CMIP: variants seen among roughly 807,000 people sequenced by gnomAD.
The protein encoded by CMIP is C-Maf-inducing protein.
In CMIP, 13 loss-of-function variants were observed where a neutral mutation model predicts 97.3. The ratio of observed to expected loss-of-function variants is 0.13; its 90% confidence interval spans 0.09 to 0.21. CMIP has a LOEUF of 0.21. Among genes scored for constraint, CMIP ranks in the 10% least tolerant of loss-of-function variants. The pLI is 1.00. For synonymous variants in CMIP, 538 were observed against 436.3 expected (o/e 1.23, Z -2.91); for missense variants, 847 against 1,024.9 (o/e 0.83, Z 2.37).
In CMIP at chr16:81,664,352, G is replaced by A; in HGVS notation, c.825+3G>A. On this transcript the variant is annotated splice_donor_region_variant and intron_variant, in intron 7 of 20. Transcript: ENST00000537098. ...AGCGAATCCTCAAGCATAACATGGT[G>A]AGTCACCCTGCCCCAACACCCAGAC... is the stretch of plus-strand genomic sequence containing the variant. The A allele has an allele frequency of 6.3e-7, 1 of 1,586,910 alleles. No homozygotes were observed.
intron 14 of CMIP, 113 bp from the exon 15 acceptor site, chr16:81,699,572 G>T (rs1907154260): frequency 3.0e-6 from 2 of 664,072 alleles, no homozygotes; most frequent in African/African-American, 3.6e-5. Context: ...CTGGCTGTCT[G>T]GACAGCGTGT....
chr16:81,588,415 T>C (rs2091416421), intron 1 of CMIP, among the ~76,000 whole-genome samples: 1 of 152,210 alleles, frequency 6.6e-6, no homozygotes, highest in East Asian at 1.9e-4. Flanking sequence ...TCTTTAAATC[T>C]GGAGCCACGC....
chr16:81,559,133 G>A (rs1232297580), intron 1 of CMIP, among the ~76,000 whole-genome samples: 4 of 151,200 alleles, frequency 2.6e-5, no homozygotes, highest in Admixed American at 6.6e-5. Flanking sequence ...CACAGGCCGG[G>A]CATGCTGGGC....
At chr16:81,511,785 C>T (rs2089815206) in intron 1 of CMIP, among the ~76,000 whole-genome samples, 1 of 152,134 alleles carries the variant, frequency 6.6e-6, no homozygotes, top group Non-Finnish European at 1.5e-5. Flanking sequence ...TGGTCTCGAA[C>T]TCCTGGGCTC....
intron 1 of CMIP, among the ~76,000 whole-genome samples, chr16:81,557,448 C>A (rs898304753): frequency 6.6e-6 from 1 of 151,968 alleles, no homozygotes. Context: ...AATTGACAAA[C>A]AATAGTTGTA....
intron 15 of CMIP, among the ~76,000 whole-genome samples, chr16:81,701,118 C>CAAA (rs552497595): frequency 7.1e-6 from 1 of 141,274 alleles, no homozygotes; most frequent in Non-Finnish European, 1.5e-5. Context: ...GACCTCATCT[C>CAAA]AAAAAAAAAA....
At position 81,453,586 on chromosome 16, in the gene CMIP, C is replaced by A. The variant is rs1906367251; in HGVS notation, c.300+8045C>A. On this transcript the variant is annotated intron_variant, in intron 1 of 20. Coordinates refer to ENST00000537098, the MANE Select transcript of CMIP (RefSeq NM_198390.3). The surrounding 1 kb of genome is among the most constrained non-coding windows in gnomAD (Gnocchi z 4.0). The stretch of plus-strand genomic sequence containing the variant: ...GTGTGGACTAGGTGACCCTGTTTAC[C>A]AACACACACACCGGTGCGAGGCTCT... Among the ~76,000 whole-genome samples, 1 of 152,164 alleles carries A rather than the reference C, an allele frequency of 6.6e-6. No homozygotes were observed. Among genetic ancestry groups the A allele is most frequent in the South Asian group, 2.1e-4 (1 of 4,828 alleles).
intron 1 of CMIP, among the ~76,000 whole-genome samples, chr16:81,560,654 T>C (rs1448174148): frequency 6.6e-6 from 1 of 152,230 alleles, no homozygotes; most frequent in Non-Finnish European, 1.5e-5. Flanking sequence ...CAGCTTCCAG[T>C]CCTGTAAGCT....
chr16:81,476,041 G>A, intron 1 of CMIP: 1 of 705,232 alleles, frequency 1.4e-6, no homozygotes, highest in Non-Finnish European at 2.6e-6. Flanking sequence ...GTTGTCCACA[G>A]TTAGCAATAG....
chr16:81,592,278 C>G (rs755247011), intron 1 of CMIP, among the ~76,000 whole-genome samples: 1 of 152,218 alleles, frequency 6.6e-6, no homozygotes, highest in African/African-American at 2.4e-5. Context: ...TGGTCTGTGT[C>G]CTGTCTCAGG....
chr16:81,649,596 T>G (rs1432071677), intron 3 of CMIP, among the ~76,000 whole-genome samples: 1 of 152,272 alleles, frequency 6.6e-6, no homozygotes, highest in Non-Finnish European at 1.5e-5. Context: ...TGAGGCCTTT[T>G]AAAACTTATC....
intron 5 of CMIP, among the ~76,000 whole-genome samples, chr16:81,659,909 A>G (rs139481200): frequency 1.3e-3 from 194 of 152,328 alleles, no homozygotes; most frequent in African/African-American, 4.6e-3. Context: ...TGTCATTATT[A>G]TGATGCCTTC....
chr16:81,667,932 CG>C (rs2092628088), intron 7 of CMIP, among the ~76,000 whole-genome samples: 1 of 151,730 alleles, frequency 6.6e-6, no homozygotes, highest in Admixed American at 6.6e-5. Flanking sequence ...AGCAGGCAGA[CG>C]AGTGAAAGCT....
In CMIP at chr16:81,616,203, A is replaced by T. The variant is rs1435817460; in HGVS notation, c.427-4673A>T. Among the ~76,000 whole-genome samples, 1 of 150,398 alleles carries T rather than the reference A, an allele frequency of 6.6e-6. No homozygotes were observed. The highest frequency in any genetic ancestry group is 1.5e-5 in the Non-Finnish European group (1 of 67,810). ...CAGGCTCACTGGAGCAGTCGCAGTT[A>T]ATCCTACGTGGATCCTGCCTCCTCT... is the stretch of plus-strand genomic sequence containing the variant. On this transcript the variant is annotated intron_variant, in intron 2 of 20. Transcript: ENST00000537098. This position sits in a 1 kb window ranked among gnomAD's most constrained non-coding sequence, Gnocchi z 4.7.
chr16:81,670,570 C>G (rs2092672937), intron 8 of CMIP, among the ~76,000 whole-genome samples: 1 of 136,638 alleles, frequency 7.3e-6, no homozygotes, highest in Non-Finnish European at 1.5e-5. Flanking sequence ...GCCAAATGTT[C>G]TTGCTCTTAC....
Position 81,459,055 on chromosome 16 carries a change from C to T in CMIP, c.300+13514C>T, listed in dbSNP as rs551168377. Reference sequence around the variant, plus strand: ...CCATCACCATCACCATCACCATCACCATCACTGTCACCGTCACCGTCACCA... The same window carrying T: ...CCATCACCATCACCATCACCATCACTATCACTGTCACCGTCACCGTCACCA... On this transcript the variant is annotated intron_variant, in intron 1 of 20. Coordinates refer to ENST00000537098, the MANE Select transcript of CMIP (RefSeq NM_198390.3). Among the ~76,000 whole-genome samples the T allele has an allele frequency of 6.3e-5, 9 of 142,480 alleles. No homozygotes were observed. In the East Asian group the frequency reaches 1.7e-3, roughly 27 times the overall value. 93.5% of individuals were successfully genotyped at this position (142,480 alleles called of 152,430 possible).
chr16:81,490,914 C>T (rs938382982), intron 1 of CMIP, among the ~76,000 whole-genome samples: 1 of 152,146 alleles, frequency 6.6e-6, no homozygotes, highest in Non-Finnish European at 1.5e-5. Context: ...CTCCTTTTAT[C>T]TAGTGATCCT....
intron 1 of CMIP, among the ~76,000 whole-genome samples, chr16:81,589,320 C>G (rs1387391469): frequency 2.0e-5 from 3 of 152,138 alleles, no homozygotes; most frequent in African/African-American, 7.2e-5. Flanking sequence ...TGGTCTCGAA[C>G]TCCTGGGGTC....
intron 1 of CMIP, among the ~76,000 whole-genome samples, chr16:81,525,615 G>A (rs7201103): frequency 6.6e-6 from 1 of 152,166 alleles, no homozygotes; most frequent in Non-Finnish European, 1.5e-5. Context: ...GTAGCTGGGA[G>A]TACAGATGTG....
Sources: gnomAD v4.1 joint callset for allele counts (sites outside exome capture counted in the v4.1 genomes callset) on GRCh38, gnomAD v4.1.1 for gene constraint, Gnocchi (gnomAD v3.1) non-coding constraint, MANE v1.5 for transcripts, NCBI Gene and HGNC (gene_info 2026-07-23, HGNC 2026-07-21) for gene names.